Variants in AMBRA1 observed in about 807,000 individuals in gnomAD.
AMBRA1 encodes the protein autophagy and beclin 1 regulator 1.
A neutral mutation model predicts 125.4 loss-of-function variants in AMBRA1; 47 were observed. The ratio of observed to expected loss-of-function variants is 0.37; its 90% confidence interval spans 0.30 to 0.48. The LOEUF (loss-of-function observed/expected upper bound fraction) is 0.48. AMBRA1 is among the 20% of genes least tolerant of loss of function. The pLI is 0.99. For synonymous variants in AMBRA1, 626 were observed against 655.5 expected (o/e 0.95, Z 0.69); for missense variants, 1,331 against 1,693.4 (o/e 0.79, Z 3.76).
rs1395284568 is a variant in AMBRA1 at position 46,397,910 on chromosome 11, T to A, written c.3437A>T (p.Asp1146Val). ...CAGCCTCTGGATCCTGCTGAGCGCA[T>A]CTTCTCCACTGGCACCATACTCTGA... ...EGSEYGASGEDALSRIQRLMA... is the reference protein window; with the variant it reads ...EGSEYGASGEVALSRIQRLMA... The change falls in exon 18 of 18, where the codon GAT (aspartate) becomes GTT (valine). Residue 1146 changes from aspartate to valine, a missense_variant. Physicochemically the swap from Asp to Val is radical, Grantham distance 152. Coordinates refer to ENST00000683756, the MANE Select transcript of AMBRA1 (RefSeq NM_001387011.1). The A allele has an allele frequency of 1.9e-5, 31 of 1,598,314 alleles. No homozygotes were observed. The highest frequency in any genetic ancestry group is 2.5e-5 in the Non-Finnish European group (29 of 1,178,948).
At chr11:46,400,035 G>A (rs571469444) in intron 17 of AMBRA1, among the ~76,000 whole-genome samples, 4 of 152,270 alleles carry the variant, frequency 2.6e-5, no homozygotes, top group East Asian at 1.9e-4. Context: ...CTTGGTCAAC[G>A]GTGCCTGTTG....
intron 7 of AMBRA1, among the ~76,000 whole-genome samples, chr11:46,526,473 C>G (rs542829572): frequency 1.7e-4 from 25 of 150,370 alleles, no homozygotes; most frequent in African/African-American, 5.4e-4. Context: ...CTTTTGGAAA[C>G]CTTAAGCTGC....
At chr11:46,474,892 G>A (rs983195353) in intron 11 of AMBRA1, among the ~76,000 whole-genome samples, 2 of 152,136 alleles carry the variant, frequency 1.3e-5, no homozygotes, top group African/African-American at 2.4e-5. Context: ...CAAGATAGTC[G>A]AAAGAGAAAG....
At chr11:46,431,026 A>C (rs1048517286) in intron 14 of AMBRA1, among the ~76,000 whole-genome samples, 1 of 152,090 alleles carries the variant, frequency 6.6e-6, no homozygotes, top group Admixed American at 6.5e-5. Flanking sequence ...TCCACCAATC[A>C]CTGAATTCAG....
At chr11:46,449,686 T>C (rs1248177043) in intron 11 of AMBRA1, among the ~76,000 whole-genome samples, 1 of 152,158 alleles carries the variant, frequency 6.6e-6, no homozygotes, top group Non-Finnish European at 1.5e-5. Context: ...AAAGTTTATA[T>C]GAAAGGGCAA....
intron 15 of AMBRA1, 58 bp from the exon 16 acceptor site, chr11:46,410,426 T>A: frequency 7.0e-7 from 1 of 1,430,172 alleles, no homozygotes; most frequent in Non-Finnish European, 9.9e-7. Flanking sequence ...GAGGGAAGGA[T>A]AAGAGCTCCT....
At chr11:46,588,606 T>C (rs1387858090) in intron 1 of AMBRA1, among the ~76,000 whole-genome samples, 2 of 150,530 alleles carry the variant, frequency 1.3e-5, no homozygotes, top group African/African-American at 2.5e-5. Flanking sequence ...TGAAAACCCG[T>C]CTCTACTAAA....
intron 7 of AMBRA1, among the ~76,000 whole-genome samples, chr11:46,520,618 C>G (rs993117338): frequency 2.0e-5 from 3 of 147,726 alleles, no homozygotes; most frequent in African/African-American, 7.5e-5. Context: ...TTTTTTGAGA[C>G]GGAGTCTCGC....
At chr11:46,538,394 C>T (rs1263579776) in intron 7 of AMBRA1, among the ~76,000 whole-genome samples, 2 of 152,086 alleles carry the variant, frequency 1.3e-5, no homozygotes, top group Non-Finnish European at 1.5e-5. Flanking sequence ...TTTTATAATA[C>T]ACATTTTTAA....
chr11:46,460,972 G>A (rs1181506459), intron 11 of AMBRA1, among the ~76,000 whole-genome samples: 2 of 152,206 alleles, frequency 1.3e-5, no homozygotes, highest in Admixed American at 6.5e-5. Flanking sequence ...GCCAGGAGTG[G>A]TGGTGCACAC....
At chr11:46,481,604 C>T (rs1950073501) in intron 11 of AMBRA1, among the ~76,000 whole-genome samples, 1 of 152,090 alleles carries the variant, frequency 6.6e-6, no homozygotes, top group South Asian at 2.1e-4. Context: ...TTCAGGTGAT[C>T]GGCCTGCCTC....
intron 11 of AMBRA1, among the ~76,000 whole-genome samples, chr11:46,477,888 C>T (rs1449738863): frequency 6.6e-6 from 1 of 151,958 alleles, no homozygotes; most frequent in African/African-American, 2.4e-5. Context: ...CCAGCCTGGT[C>T]AACATGGCGA....
chr11:46,517,556 C>T (rs1241979532), intron 7 of AMBRA1, among the ~76,000 whole-genome samples: 3 of 141,726 alleles, frequency 2.1e-5, no homozygotes, highest in Non-Finnish European at 4.5e-5. Flanking sequence ...CTAAACAGGC[C>T]GGGTGCAGTG....
chr11:46,558,577 A>AC (rs2043232163), intron 1 of AMBRA1, among the ~76,000 whole-genome samples: 1 of 145,394 alleles, frequency 6.9e-6, no homozygotes, highest in Admixed American at 6.9e-5. Context: ...AAAAAAAACC[A>AC]CTACCTACCT....
chr11:46,473,808 G>A (rs1295844781), intron 11 of AMBRA1, among the ~76,000 whole-genome samples: 4 of 152,112 alleles, frequency 2.6e-5, no homozygotes, highest in Non-Finnish European at 1.5e-5. Flanking sequence ...CCACCACCAC[G>A]CCCGGCTAAC....
chr11:46,521,040 C>T (rs754337642), intron 7 of AMBRA1, among the ~76,000 whole-genome samples: 2 of 152,188 alleles, frequency 1.3e-5, no homozygotes, highest in Non-Finnish European at 1.5e-5. Context: ...TCCTAATTAA[C>T]ATGTAATAGG....
chr11:46,486,248 C>T (rs767709433), intron 11 of AMBRA1, among the ~76,000 whole-genome samples: 25 of 152,040 alleles, frequency 1.6e-4, no homozygotes, highest in Non-Finnish European at 3.4e-4. Flanking sequence ...GATGGGTACA[C>T]GGCAGAAAGA....
At chr11:46,493,435 C>T (rs913595747) in intron 11 of AMBRA1, among the ~76,000 whole-genome samples, 173 bp downstream of exon 11, 6 of 152,260 alleles carry the variant, frequency 3.9e-5, no homozygotes, top group Admixed American at 3.9e-4. Flanking sequence ...TTTTCTTCAA[C>T]CCTGCCATTT....
At chr11:46,507,014 A>C (rs1323399058) in intron 9 of AMBRA1, among the ~76,000 whole-genome samples, 2 of 149,990 alleles carry the variant, frequency 1.3e-5, no homozygotes, top group Non-Finnish European at 3.0e-5. Flanking sequence ...AAATACAAAA[A>C]AAAAAAAAAA....
Sources: allele counts gnomAD v4.1 joint callset (sites outside exome capture counted in the v4.1 genomes callset), GRCh38; gene constraint gnomAD v4.1.1; transcripts MANE v1.5; gene names NCBI Gene and HGNC (gene_info 2026-07-23, HGNC 2026-07-21).